Variants in MORC3 observed in about 807,000 individuals in gnomAD.
MORC3 encodes MORC family CW-type zinc finger protein 3.
In MORC3, 31 loss-of-function variants were observed where a neutral mutation model predicts 109.1. The observed-to-expected ratio is 0.28, with a 90% CI of 0.21 to 0.38. The LOEUF (loss-of-function observed/expected upper bound fraction) is 0.38. Ranked by LOEUF, MORC3 falls within the 10% of genes least tolerant of loss-of-function variation. MORC3 has a pLI of 1.00. For synonymous variants in MORC3, 395 were observed against 380.7 expected, an observed-to-expected ratio of 1.04 and a Z score of -0.44; for missense variants, 867 against 1,135.8, an observed-to-expected ratio of 0.76 and a Z score of 3.40.
intron 1 of MORC3, among the ~76,000 whole-genome samples, chr21:36,331,841 G>C (rs1010451024): frequency 6.6e-6 from 1 of 152,044 alleles, no homozygotes; most frequent in Non-Finnish European, 1.5e-5. Flanking sequence ...AGCAAAGAAT[G>C]ATTCAAGAAT....
chr21:36,347,985 T>C (rs2085529654), intron 8 of MORC3: 1 of 152,346 alleles, frequency 6.6e-6, no homozygotes, highest in South Asian at 2.1e-4. Flanking sequence ...CTGATGGTTT[T>C]TAATAGAGCA....
At chr21:36,341,724 C>G (rs2085449101) in intron 6 of MORC3, among the ~76,000 whole-genome samples, 178 bp downstream of exon 6, 1 of 152,172 alleles carries the variant, frequency 6.6e-6, no homozygotes, top group Admixed American at 6.6e-5. Flanking sequence ...CTGTATCACA[C>G]ACACACACAA....
chr21:36,341,037 C>A (rs1040428556), intron 5 of MORC3, among the ~76,000 whole-genome samples: 7 of 152,144 alleles, frequency 4.6e-5, no homozygotes, highest in Non-Finnish European at 7.4e-5. Flanking sequence ...TGGGATATTA[C>A]AAATAAAGCT....
At chr21:36,328,066 G>C (rs1490659694) in intron 1 of MORC3, among the ~76,000 whole-genome samples, 1 of 151,740 alleles carries the variant, frequency 6.6e-6, no homozygotes, top group Admixed American at 6.6e-5. Flanking sequence ...TAGTAGAGAC[G>C]GGGTTTCACC....
At chr21:36,338,313 G>GA (rs2085396032) in intron 4 of MORC3, among the ~76,000 whole-genome samples, 1 of 152,142 alleles carries the variant, frequency 6.6e-6, no homozygotes, top group Non-Finnish European at 1.5e-5. Context: ...ATATTAGAAA[G>GA]TATTAAGTTA....
chr21:36,332,033 C>T (rs545376222), intron 1 of MORC3, among the ~76,000 whole-genome samples: 1 of 151,968 alleles, frequency 6.6e-6, no homozygotes, highest in South Asian at 2.1e-4. Context: ...CCCAGCTACT[C>T]GGGAGGCTGA....
At chr21:36,349,599 C>G (rs2085548732) in intron 9 of MORC3, among the ~76,000 whole-genome samples, 191 bp downstream of exon 9, 1 of 152,142 alleles carries the variant, frequency 6.6e-6, no homozygotes, top group South Asian at 2.1e-4. Context: ...CTATGTAAGT[C>G]CCTTACCTAC....
At chr21:36,345,083 A>G (rs892085894) in intron 8 of MORC3, 52 bp downstream of exon 8, 8 of 1,499,722 alleles carry the variant, frequency 5.3e-6, no homozygotes, top group Non-Finnish European at 6.3e-6. Flanking sequence ...CACAAAAGTT[A>G]GGATAATATA....
At chr21:36,341,170 G>GT (rs2085441287) in intron 5 of MORC3, among the ~76,000 whole-genome samples, 2 of 151,920 alleles carry the variant, frequency 1.3e-5, no homozygotes, top group Admixed American at 1.3e-4. Context: ...ATGCCAGACT[G>GT]TTTTCCTGAG....
At chr21:36,325,857 A>G (rs189427151) in intron 1 of MORC3, among the ~76,000 whole-genome samples, 2 of 152,210 alleles carry the variant, frequency 1.3e-5, no homozygotes, top group East Asian at 1.9e-4. Flanking sequence ...ATGCCAACCT[A>G]TTAGTCACTT....
intron 1 of MORC3, among the ~76,000 whole-genome samples, chr21:36,325,094 C>A (rs1464483777): frequency 6.6e-6 from 1 of 152,170 alleles, no homozygotes; most frequent in African/African-American, 2.4e-5. Context: ...GTGGGCTTCA[C>A]TGTTGGGTGA....
chr21:36,354,303 T>TTTTC lies in MORC3; in HGVS notation c.1104-2297_1104-2294dup, dbSNP rs938017297. 2.5e-3 allele frequency among the ~76,000 whole-genome samples: 367 copies of TTTTC among 146,068 alleles called. 5 individuals carry two copies. Among genetic ancestry groups the TTTTC allele is most frequent in the African/African-American group, 7.4e-3 (295 of 39,828 alleles). The stretch of plus-strand genomic sequence containing the variant: ...TCTGTCTGACTTATTTCCATTTTTG[T>TTTTC]TTTCTTTCTTTCTTTCTTTCTTTTT... On this transcript the variant is annotated intron_variant, in intron 9 of 16. Transcript: ENST00000400485.
chr21:36,335,997 C>T (rs1601515648), intron 2 of MORC3, among the ~76,000 whole-genome samples: 1 of 152,028 alleles, frequency 6.6e-6, no homozygotes, highest in Non-Finnish European at 1.5e-5. Flanking sequence ...GCTATCTCAG[C>T]TCATTGCAAC....
chr21:36,327,347 G>A (rs574753176), intron 1 of MORC3, among the ~76,000 whole-genome samples: 1 of 149,118 alleles, frequency 6.7e-6, no homozygotes, highest in Non-Finnish European at 1.5e-5. Context: ...TGGTAGAGAC[G>A]GGGTTTTGCC....
intron 12 of MORC3, 45 bp downstream of exon 12, chr21:36,360,303 T>C: frequency 1.3e-6 from 2 of 1,523,310 alleles, no homozygotes; most frequent in Non-Finnish European, 1.8e-6. Context: ...GCCCAGATCA[T>C]GAACAGTGAT....
chr21:36,328,486 G>A (rs759950666), intron 1 of MORC3, among the ~76,000 whole-genome samples: 7 of 151,810 alleles, frequency 4.6e-5, no homozygotes, highest in Admixed American at 6.6e-5. Flanking sequence ...GGACACAGGC[G>A]CGCACCACCA....
chr21:36,365,044 T>TC (rs1194209345), intron 14 of MORC3, among the ~76,000 whole-genome samples: 1 of 89,578 alleles, frequency 1.1e-5, no homozygotes, highest in East Asian at 4.8e-4. Context: ...AGAGCGAGAC[T>TC]CCATCTCAAA....
Position 36,320,225 on chromosome 21 carries a change from T to C in MORC3, c.-40T>C. On this transcript the variant is annotated 5_prime_UTR_variant, in exon 1 of 17. Coordinates refer to ENST00000400485, the MANE Select transcript of MORC3 (RefSeq NM_015358.3). The stretch of plus-strand genomic sequence containing the variant: ...GTCGTTCCGCCACCTCCCAGTCGGG[T>C]TGCGGCGGAGGCCGTTCCTGGCTTT... 2 of 1,532,264 alleles carry C rather than the reference T, an allele frequency of 1.3e-6. No homozygotes were observed. The highest frequency in any genetic ancestry group is 2.3e-5 in the South Asian group (2 of 85,158). The allele number at this position is 1,532,264 out of a possible 1,614,324, so 94.9% of individuals were successfully genotyped here.
intron 1 of MORC3, among the ~76,000 whole-genome samples, chr21:36,331,209 C>T (rs527790148): frequency 6.6e-6 from 1 of 152,196 alleles, no homozygotes; most frequent in Non-Finnish European, 1.5e-5. Flanking sequence ...ACCTTTTTTC[C>T]CCTTATTAGG....
Sources: gnomAD v4.1 joint callset for allele counts (sites outside exome capture counted in the v4.1 genomes callset) on GRCh38, gnomAD v4.1.1 for gene constraint, MANE v1.5 for transcripts, NCBI Gene and HGNC (gene_info 2026-07-23, HGNC 2026-07-21) for gene names.